Variants in LMX1A observed in about 807,000 individuals in gnomAD.
LMX1A encodes LIM homeobox transcription factor 1 alpha.
LMX1A carries 15 observed loss-of-function variants against 49.1 expected under a neutral mutation model. The observed-to-expected ratio is 0.31, with a 90% CI of 0.20 to 0.47. The LOEUF is 0.47. Among genes scored for constraint, LMX1A ranks in the 20% least tolerant of loss-of-function variants. The pLI is 1.00. For missense variants in LMX1A, 372 were observed against 475.8 expected (o/e 0.78, Z 2.03); for synonymous variants, 167 against 185.7 (o/e 0.90, Z 0.82).
chr1:165,238,605 G>A (rs368840495), intron 4 of LMX1A, among the ~76,000 whole-genome samples: 1 of 152,162 alleles, frequency 6.6e-6, no homozygotes, highest in East Asian at 1.9e-4. Flanking sequence ...TTGAACGCGT[G>A]TGTAAACTCA....
chr1:165,231,077 G>A (rs953680732), intron 4 of LMX1A, among the ~76,000 whole-genome samples: 1 of 150,548 alleles, frequency 6.6e-6, no homozygotes, highest in Non-Finnish European at 1.5e-5. Context: ...GAAATAATTA[G>A]GTTTTTTAAA....
chr1:165,240,986 G>A (rs538392766), intron 4 of LMX1A, among the ~76,000 whole-genome samples: 8 of 152,184 alleles, frequency 5.3e-5, no homozygotes, highest in Non-Finnish European at 8.8e-5. Context: ...AGGTAGCTAC[G>A]TTTGATAAAT....
At chr1:165,284,580 C>G (rs1654249709) in intron 3 of LMX1A, among the ~76,000 whole-genome samples, 1 of 152,222 alleles carries the variant, frequency 6.6e-6, no homozygotes, top group South Asian at 2.1e-4. Flanking sequence ...CCGCTGGGAA[C>G]AACCACAGTC....
chr1:165,276,886 A>G (rs924793505), intron 3 of LMX1A, among the ~76,000 whole-genome samples: 1 of 152,194 alleles, frequency 6.6e-6, no homozygotes, highest in Non-Finnish European at 1.5e-5. Context: ...ACCTTACAGG[A>G]GGGGAAACAG....
intron 3 of LMX1A, among the ~76,000 whole-genome samples, chr1:165,253,017 T>C (rs778714986): frequency 6.6e-6 from 1 of 152,218 alleles, no homozygotes; most frequent in Non-Finnish European, 1.5e-5. Flanking sequence ...TGTGTCTTTA[T>C]AGGGAGGGCA....
Position 165,353,279 on chromosome 1 carries a change from C to G in LMX1A, c.77-17G>C. 2 of 1,605,282 alleles carry G rather than the reference C, an allele frequency of 1.2e-6. No homozygotes were observed. Among genetic ancestry groups the G allele is most frequent in the Non-Finnish European group, 8.5e-7 (1 of 1,177,814 alleles). ...CCGCTCTGCCTGTAGCCACAACAGA[C>G]GTTGGCGGGTGAGCAGCCCGGGCAG... On this transcript the variant is annotated splice_polypyrimidine_tract_variant and intron_variant, in intron 2 of 8. Transcript: ENST00000342310.
intron 3 of LMX1A, among the ~76,000 whole-genome samples, chr1:165,325,382 A>C (rs564298591): frequency 6.6e-6 from 1 of 152,118 alleles, no homozygotes; most frequent in African/African-American, 2.4e-5. Flanking sequence ...CTAGATGAGG[A>C]TAGTATAATT....
chr1:165,328,150 T>C (rs1655642311), intron 3 of LMX1A, among the ~76,000 whole-genome samples: 1 of 152,180 alleles, frequency 6.6e-6, no homozygotes, highest in South Asian at 2.1e-4. Flanking sequence ...TGCACCCTTG[T>C]TTAGTTCTTT....
At chr1:165,274,395 C>A (rs1175190083) in intron 3 of LMX1A, among the ~76,000 whole-genome samples, 7 of 152,200 alleles carry the variant, frequency 4.6e-5, no homozygotes, top group Non-Finnish European at 8.8e-5. Flanking sequence ...ACCCTCAGAA[C>A]ATAGTATACT....
At chr1:165,236,852 G>GAT (rs1652466365) in intron 4 of LMX1A, among the ~76,000 whole-genome samples, 1 of 144,342 alleles carries the variant, frequency 6.9e-6, no homozygotes, top group Non-Finnish European at 1.5e-5. Flanking sequence ...GGAGTTCAAA[G>GAT]TTTTTTTTTT....
chr1:165,272,897 C>G (rs769335738), intron 3 of LMX1A, among the ~76,000 whole-genome samples: 2 of 152,140 alleles, frequency 1.3e-5, no homozygotes, highest in African/African-American at 2.4e-5. Context: ...GAAGTAAGGA[C>G]TTAGATCTCC....
At chr1:165,227,503 T>C (rs1412961374) in intron 4 of LMX1A, among the ~76,000 whole-genome samples, 1 of 152,100 alleles carries the variant, frequency 6.6e-6, no homozygotes, top group African/African-American at 2.4e-5. Context: ...ATTGAGCCAC[T>C]GCACTCCAGC....
chr1:165,275,469 T>C (rs1043016977), intron 3 of LMX1A, among the ~76,000 whole-genome samples: 3 of 152,100 alleles, frequency 2.0e-5, no homozygotes, highest in African/African-American at 7.2e-5. Flanking sequence ...CCGACTGGGG[T>C]GACAGAGGTT....
At chr1:165,316,411 C>T (rs75636365) in intron 3 of LMX1A, among the ~76,000 whole-genome samples, 8 of 152,308 alleles carry the variant, frequency 5.3e-5, no homozygotes, top group South Asian at 2.1e-4. Context: ...ACCAGCACCA[C>T]GGTCACTTTG....
rs900996371 is a variant in LMX1A at position 165,288,547 on chromosome 1, G to A, written c.264-38907C>T. On this transcript the variant is annotated intron_variant, in intron 3 of 8. Transcript: ENST00000342310. Reference sequence around the variant, plus strand: ...AACCCCTCCTGGGCCGGTCCTGCAAGCAGCCAAGATGCGGTTAAAGATTCC... The same window carrying A: ...AACCCCTCCTGGGCCGGTCCTGCAAACAGCCAAGATGCGGTTAAAGATTCC... Among the ~76,000 whole-genome samples the A allele has an allele frequency of 3.3e-5, 5 of 152,158 alleles. 1 individual carries two copies. The highest frequency in any genetic ancestry group is 1.2e-4 in the African/African-American group (5 of 41,444).
chr1:165,205,503 TAGGTAAACGTTTGCTTAATTA>T (rs1169797419), intron 8 of LMX1A, among the ~76,000 whole-genome samples: 2 of 152,244 alleles, frequency 1.3e-5, no homozygotes, highest in Non-Finnish European at 2.9e-5. Flanking sequence ...TTTCTTACTT[TAGGTAAACGTTTGCTTAATTA>T]AGGCCTTCTG....
At chr1:165,351,529 T>C (rs1024492200) in intron 3 of LMX1A, among the ~76,000 whole-genome samples, 6 of 152,180 alleles carry the variant, frequency 3.9e-5, no homozygotes, top group African/African-American at 1.4e-4. Context: ...ACTTCATAGG[T>C]TGTCATAGGG....
intron 4 of LMX1A, among the ~76,000 whole-genome samples, chr1:165,227,544 A>AATACATATGTACATACATACATAC (rs571321622): frequency 0.014 from 1,491 of 109,126 alleles, 19 homozygotes; most frequent in African/African-American, 0.045. Flanking sequence ...CTATCTCAAT[A>AATACATATGTACATACATACATAC]ATACATACGT....
At chr1:165,252,943 C>T (rs954809012) in intron 3 of LMX1A, among the ~76,000 whole-genome samples, 2 of 152,220 alleles carry the variant, frequency 1.3e-5, no homozygotes, top group Non-Finnish European at 2.9e-5. Context: ...ATCATTTATT[C>T]TTTTCATTCA....
Sources: gnomAD v4.1 joint callset for allele counts (sites outside exome capture counted in the v4.1 genomes callset) on GRCh38, gnomAD v4.1.1 for gene constraint, MANE v1.5 for transcripts, NCBI Gene and HGNC (gene_info 2026-07-23, HGNC 2026-07-21) for gene names.